MTAP: variants seen among roughly 807,000 people sequenced by gnomAD.
MTAP encodes the protein S-methyl-5'-thioadenosine phosphorylase.
In MTAP, 33 loss-of-function variants were observed where a neutral mutation model predicts 33.6. The ratio of observed to expected loss-of-function variants is 0.98; its 90% CI spans 0.74 to 1.31. The LOEUF (loss-of-function observed/expected upper bound fraction) is 1.31. MTAP is among the 40% of genes most tolerant of loss of function. The probability of loss-of-function intolerance (pLI) is 0.00; values close to 1 mark genes in which losing one functional copy is unlikely to be tolerated. For missense variants in MTAP, 367 were observed against 360.0 expected (o/e 1.02, Z -0.16); for synonymous variants, 148 against 125.7 (o/e 1.18, Z -1.19).
downstream of MTAP, chr9:21,931,578 G>A (rs1394131051): frequency 2.9e-5 from 5 of 172,390 alleles, no homozygotes; most frequent in Non-Finnish European, 4.9e-5. Flanking sequence ...AGGCAAAATC[G>A]TGGAGTTTAA....
chr9:21,881,487 A>G (rs950226768), intron 1 of MTAP, among the ~76,000 whole-genome samples: 4 of 152,058 alleles, frequency 2.6e-5, no homozygotes, highest in East Asian at 1.9e-4. Flanking sequence ...CTTGCAAACC[A>G]TATATCTGAT....
Position 21,854,771 on chromosome 9 carries a change from C to G in MTAP, c.591C>G (p.Thr197=). 1 of 1,614,128 alleles carries G rather than the reference C, an allele frequency of 6.2e-7. No individual in the cohort carries two copies. Among genetic ancestry groups the G allele is most frequent in the Non-Finnish European group, 8.5e-7 (1 of 1,179,992 alleles). ...RTWGADVINM[T]TVPEVVLAKE... ...GGGGGGCGGATGTTATCAACATGAC[C>G]ACAGTTCCAGAGGTGGTTCTTGCTA... Residue 197 remains threonine, a synonymous_variant, in exon 6 of 8, where the codon ACC becomes ACG. Coordinates refer to ENST00000644715, the MANE Select transcript of MTAP (RefSeq NM_002451.4).
chr9:21,806,596 G>A (rs1028119065), intron 1 of MTAP, among the ~76,000 whole-genome samples: 2 of 152,060 alleles, frequency 1.3e-5, no homozygotes, highest in African/African-American at 2.4e-5. Flanking sequence ...GTGGTTCACT[G>A]CAGTGAGAGA....
intron 1 of MTAP, among the ~76,000 whole-genome samples, chr9:21,877,301 A>G (rs1331266856): frequency 6.6e-6 from 1 of 152,130 alleles, no homozygotes; most frequent in Non-Finnish European, 1.5e-5. Flanking sequence ...TGTCATGTGC[A>G]AACAGGGATA....
intron 4 of MTAP, among the ~76,000 whole-genome samples, chr9:21,831,538 G>T (rs1824967097): frequency 6.6e-6 from 1 of 151,900 alleles, no homozygotes; most frequent in Non-Finnish European, 1.5e-5. Flanking sequence ...TGTTGCCCAG[G>T]CTGGTTTCAA....
downstream of MTAP, chr9:21,931,529 T>G: frequency 5.0e-6 from 1 of 201,422 alleles, no homozygotes; most frequent in Admixed American, 5.8e-5. Flanking sequence ...TAGTAAGATC[T>G]CAGGATTTGG....
In MTAP at chr9:21,838,013, G is replaced by T. The variant is rs1825151990; in HGVS notation, c.450+3G>T. 1.9e-6 allele frequency: 3 copies of T among 1,612,122 alleles called. No individual in the cohort carries two copies. The highest frequency in any genetic ancestry group is 2.7e-5 in the African/African-American group (2 of 74,986). On this transcript the variant is annotated splice_donor_region_variant and intron_variant, in intron 5 of 7. Transcript: ENST00000644715. The stretch of plus-strand genomic sequence containing the variant: ...CGTTTTGCCCCAAAACGAGAGAGGT[G>T]TGTAGTCTTTCTGGAAGGTGTACCA...
intron 2 of MTAP, 77 bp from the exon 3 acceptor site, chr9:21,816,637 G>T: frequency 7.9e-7 from 1 of 1,271,214 alleles, no homozygotes; most frequent in Non-Finnish European, 1.1e-6. Flanking sequence ...CATGAGTCCT[G>T]TTGTGGTTGA....
chr9:21,920,960 A>G (rs1363742661), intron 1 of MTAP, among the ~76,000 whole-genome samples: 1 of 151,680 alleles, frequency 6.6e-6, no homozygotes, highest in Non-Finnish European at 1.5e-5. Flanking sequence ...CACTTCTCCC[A>G]TTTTTTTTGG....
downstream of MTAP, among the ~76,000 whole-genome samples, chr9:21,868,176 A>G (rs1473608346): frequency 6.6e-6 from 1 of 152,182 alleles, no homozygotes; most frequent in African/African-American, 2.4e-5. Flanking sequence ...ACCACAGGCA[A>G]CTGTTCCTTT....
At chr9:21,899,312 A>G (rs575205323) in intron 1 of MTAP, among the ~76,000 whole-genome samples, 2 of 151,986 alleles carry the variant, frequency 1.3e-5, no homozygotes, top group East Asian at 3.9e-4. Flanking sequence ...CAGCACACCA[A>G]CATGGCACAT....
intron 1 of MTAP, among the ~76,000 whole-genome samples, chr9:21,913,366 T>A (rs2118856056): frequency 6.6e-6 from 1 of 152,336 alleles, no homozygotes; most frequent in Middle Eastern, 3.4e-3. Context: ...TCACGCTACC[T>A]GACTTCAAAC....
At chr9:21,916,998 A>G (rs1364156611) in intron 1 of MTAP, among the ~76,000 whole-genome samples, 2 of 152,258 alleles carry the variant, frequency 1.3e-5, no homozygotes, top group African/African-American at 4.8e-5. Flanking sequence ...GTCAGAATCT[A>G]GAATTATTTT....
chr9:21,815,148 C>G lies in MTAP; in HGVS notation c.34-285C>G, dbSNP rs116185186. ...GAGTTGGTTAAAATACCTCTCTATG[C>G]TGACTTGTAATTCAGACAGTCAGAA... On this transcript the variant is annotated intron_variant, in intron 1 of 7. Transcript: ENST00000644715. Among the ~76,000 whole-genome samples the G allele has an allele frequency of 7.5e-3, 1,142 of 152,288 alleles. 12 individuals carry two copies. Among genetic ancestry groups the G allele is most frequent in the African/African-American group, 0.025 (1,034 of 41,566 alleles).
rs530259429 is a variant in MTAP, at chr9:21,821,439, G to A, written c.347+3237G>A. Among the ~76,000 whole-genome samples the A allele has an allele frequency of 1.3e-3, 198 of 152,292 alleles. 1 individual carries two copies. Among genetic ancestry groups the A allele is most frequent in the African/African-American group, 4.2e-3 (173 of 41,558 alleles). ...TGCTGGATTATGTTTATTGATTTGC[G>A]TATGTTGAACCAGCCTTGCATCCCA... On this transcript the variant is annotated intron_variant, in intron 4 of 7. Transcript: ENST00000644715.
At chr9:21,840,777 C>T (rs191123498) in intron 5 of MTAP, among the ~76,000 whole-genome samples, 66 of 152,216 alleles carry the variant, frequency 4.3e-4, no homozygotes, top group Middle Eastern at 3.4e-3. Context: ...TAATGGGAGC[C>T]GCAGCAGATA....
At chr9:21,917,311 A>G (rs184737082) in intron 1 of MTAP, among the ~76,000 whole-genome samples, 133 of 152,350 alleles carry the variant, frequency 8.7e-4, no homozygotes, top group African/African-American at 2.6e-3. Context: ...CACATAACAG[A>G]GGCATTTTCA....
At chr9:21,822,350 A>G (rs560672761) in intron 4 of MTAP, among the ~76,000 whole-genome samples, 1 of 152,186 alleles carries the variant, frequency 6.6e-6, no homozygotes, top group African/African-American at 2.4e-5. Context: ...CATTGGTTTC[A>G]AAGAACATCT....
chr9:21,900,888 C>G (rs1306922805), intron 1 of MTAP, among the ~76,000 whole-genome samples: 1 of 152,146 alleles, frequency 6.6e-6, no homozygotes, highest in Non-Finnish European at 1.5e-5. Context: ...TAGCTGGAGA[C>G]TATTATCCTA....
Sources: gnomAD v4.1 joint callset for allele counts (sites outside exome capture counted in the v4.1 genomes callset) on GRCh38, gnomAD v4.1.1 for gene constraint, MANE v1.5 for transcripts, NCBI Gene and HGNC (gene_info 2026-07-23, HGNC 2026-07-21) for gene names.